The following CSMD3 variants were observed in gnomAD, a reference collection of about 807,000 sequenced individuals.
CSMD3 encodes the protein CUB and sushi domain-containing protein 3.
CSMD3 carries 177 observed loss-of-function variants against 435.2 expected under a neutral mutation model. The observed-to-expected ratio is 0.41, with a 90% CI of 0.36 to 0.46. The LOEUF (loss-of-function observed/expected upper bound fraction) is 0.46. CSMD3 is among the 20% of genes least tolerant of loss of function. CSMD3 has a pLI of 0.34. For missense variants in CSMD3, 4,265 were observed against 4,504.6 expected (o/e 0.95, Z 1.52); for synonymous variants, 1,656 against 1,520.5 (o/e 1.09, Z -2.07).
intron 4 of CSMD3, among the ~76,000 whole-genome samples, chr8:113,141,177 T>TA (rs550947380): frequency 1.3e-5 from 2 of 150,730 alleles, no homozygotes; most frequent in Non-Finnish European, 3.0e-5. Flanking sequence ...AGTATAATTT[T>TA]AAAAAAAGTC....
chr8:112,250,647 C>T (rs1224969334), intron 63 of CSMD3, among the ~76,000 whole-genome samples: 5 of 151,492 alleles, frequency 3.3e-5, no homozygotes, highest in Non-Finnish European at 7.4e-5. Flanking sequence ...TTTATATTAT[C>T]AAATTCAAAA....
At chr8:113,410,927 A>AAGAAAGAC (rs1554633052) in intron 1 of CSMD3, among the ~76,000 whole-genome samples, 1 of 145,966 alleles carries the variant, frequency 6.9e-6, no homozygotes, top group East Asian at 1.9e-4. Context: ...GAAAGAAAGA[A>AAGAAAGAC]AGAAAGAAAG....
chr8:113,218,126 A>G (rs2092926884), intron 3 of CSMD3, among the ~76,000 whole-genome samples: 1 of 148,864 alleles, frequency 6.7e-6, no homozygotes, highest in Non-Finnish European at 1.5e-5. Flanking sequence ...ATATTTTAAT[A>G]TTGGGGACGA....
chr8:112,900,587 C>A (rs764203772), intron 10 of CSMD3, among the ~76,000 whole-genome samples: 8 of 151,174 alleles, frequency 5.3e-5, no homozygotes, highest in Admixed American at 2.6e-4. Flanking sequence ...GTGACCCAGG[C>A]ACCTTTTGAC....
intron 25 of CSMD3, among the ~76,000 whole-genome samples, chr8:112,555,988 G>C (rs529529493): frequency 3.9e-5 from 6 of 152,038 alleles, no homozygotes; most frequent in South Asian, 2.1e-4. Flanking sequence ...AAAAAGAAAG[G>C]CTGAAGAATC....
At chr8:113,058,208 T>C (rs2088436846) in intron 5 of CSMD3, among the ~76,000 whole-genome samples, 1 of 151,990 alleles carries the variant, frequency 6.6e-6, no homozygotes, top group Admixed American at 6.6e-5. Context: ...TTTTGAGAAT[T>C]ATAATCTAAC....
At chr8:113,073,388 C>G (rs181733461) in intron 5 of CSMD3, among the ~76,000 whole-genome samples, 59 of 151,732 alleles carry the variant, frequency 3.9e-4, no homozygotes, top group Admixed American at 2.7e-3. Flanking sequence ...TTCCTTATAT[C>G]CTTGGGGAAG....
At chr8:113,337,085 G>T (rs10100569) in intron 1 of CSMD3, among the ~76,000 whole-genome samples, 141,783 of 152,128 alleles carry the variant, frequency 0.93, 66,169 homozygotes, top group East Asian at 1. Context: ...AAGGCAGGCT[G>T]TTATTGGTGC....
chr8:113,023,829 A>G (rs994874755), intron 5 of CSMD3, among the ~76,000 whole-genome samples: 21 of 152,108 alleles, frequency 1.4e-4, no homozygotes, highest in African/African-American at 5.1e-4. Flanking sequence ...ATGGGGTACA[A>G]TGTGCTGTTT....
At chr8:112,702,842 C>T (rs144370564) in intron 13 of CSMD3, among the ~76,000 whole-genome samples, 3 of 152,178 alleles carry the variant, frequency 2.0e-5, no homozygotes, top group Non-Finnish European at 4.4e-5. Context: ...CTCCATACCG[C>T]TGTCCTCCAA....
intron 19 of CSMD3, among the ~76,000 whole-genome samples, chr8:112,649,089 C>T (rs984893861): frequency 6.6e-6 from 1 of 152,154 alleles, no homozygotes; most frequent in Non-Finnish European, 1.5e-5. Context: ...ACGGAAAAAG[C>T]CTGTCTGCAG....
intron 27 of CSMD3, 39 bp downstream of exon 27, chr8:112,550,632 T>C: frequency 9.3e-7 from 1 of 1,074,352 alleles, no homozygotes; most frequent in Non-Finnish European, 1.4e-6. Flanking sequence ...TACATCACCT[T>C]CCTATTTTGC....
At chr8:113,061,234 G>GAA (rs750505647) in intron 5 of CSMD3, among the ~76,000 whole-genome samples, 32 of 152,068 alleles carry the variant, frequency 2.1e-4, no homozygotes, top group Non-Finnish European at 4.4e-4. Context: ...TTGTGTTTTG[G>GAA]AAGGTATGCA....
At chr8:112,251,663 A>G (rs1407475594) in intron 63 of CSMD3, among the ~76,000 whole-genome samples, 1 of 151,802 alleles carries the variant, frequency 6.6e-6, no homozygotes, top group Non-Finnish European at 1.5e-5. Flanking sequence ...AGGGTTAAAT[A>G]TTTTATGGTT....
intron 54 of CSMD3, among the ~76,000 whole-genome samples, chr8:112,293,167 G>C (rs1468128018): frequency 6.6e-6 from 1 of 151,952 alleles, no homozygotes. Flanking sequence ...GGGGTGGGAG[G>C]ATTGCTTGAG....
At position 112,845,550 on chromosome 8, in the gene CSMD3, T is replaced by A. The variant is rs2080294921; in HGVS notation, c.1755+13595A>T. On this transcript the variant is annotated intron_variant, in intron 11 of 70. Transcript: ENST00000297405. ...AGTGCTTTGGGGGCTAAATAGAGTG[T>A]TGAAGTATGAGTCTAACACAAGAGT... 3.3e-5 allele frequency among the ~76,000 whole-genome samples: 5 copies of A among 152,060 alleles called. No individual in the cohort carries two copies. In the South Asian group the frequency reaches 1.0e-3, roughly 31 times the overall value.
intron 9 of CSMD3, among the ~76,000 whole-genome samples, chr8:112,929,745 T>C (rs1181302481): frequency 1.3e-5 from 2 of 152,038 alleles, no homozygotes; most frequent in Non-Finnish European, 2.9e-5. Context: ...AAAGTGCTTT[T>C]GAAGGTTACT....
intron 23 of CSMD3, among the ~76,000 whole-genome samples, chr8:112,576,428 G>T (rs1829949341): frequency 6.6e-6 from 1 of 151,916 alleles, no homozygotes; most frequent in Admixed American, 6.6e-5. Context: ...AAATAACATA[G>T]TAAGACATCA....
At position 112,292,532 on chromosome 8, in the gene CSMD3, T is replaced by C. The variant is rs372998351; in HGVS notation, c.8788+5A>G. 5.5e-5 allele frequency: 89 copies of C among 1,613,464 alleles called. No individual in the cohort carries two copies. Among genetic ancestry groups the C allele is most frequent in the Admixed American group, 8.3e-5 (5 of 59,970 alleles). On this transcript the variant is annotated splice_donor_5th_base_variant and intron_variant, in intron 55 of 70. Coordinates refer to ENST00000297405, the MANE Select transcript of CSMD3 (RefSeq NM_198123.2). ...CACCAAATGGGAATATACTTAGACA[T>C]TTACCTTTGCACATAGGTGGAGGAT... is the stretch of plus-strand genomic sequence containing the variant.
Sources: gnomAD v4.1 joint callset for allele counts (sites outside exome capture counted in the v4.1 genomes callset) on GRCh38, gnomAD v4.1.1 for gene constraint, MANE v1.5 for transcripts, NCBI Gene and HGNC (gene_info 2026-07-23, HGNC 2026-07-21) for gene names.